The following VTI1A variants were observed in gnomAD, a reference collection of about 807,000 sequenced individuals.
VTI1A encodes vesicle transport through interaction with t-SNAREs homolog 1A.
A neutral mutation model predicts 34.9 loss-of-function variants in VTI1A; 22 were observed. The observed-to-expected ratio is 0.63, with a 90% CI of 0.45 to 0.90. VTI1A has a LOEUF of 0.90. Ranked by LOEUF, VTI1A falls within the 40% of genes least tolerant of loss-of-function variation. The probability of loss-of-function intolerance (pLI) is 0.00; values close to 1 mark genes in which losing one functional copy is unlikely to be tolerated. For missense variants in VTI1A, 268 were observed against 275.6 expected (o/e 0.97, Z 0.20); for synonymous variants, 87 against 97.3 (o/e 0.89, Z 0.62).
chr10:112,654,675 A>G (rs1847162971), intron 5 of VTI1A, among the ~76,000 whole-genome samples: 3 of 152,090 alleles, frequency 2.0e-5, no homozygotes, highest in East Asian at 3.9e-4. Flanking sequence ...TTGTATTTTT[A>G]GTAGAGACGG....
chr10:112,708,867 T>C (rs1849294924), intron 7 of VTI1A, among the ~76,000 whole-genome samples: 1 of 152,228 alleles, frequency 6.6e-6, no homozygotes, highest in African/African-American at 2.4e-5. Flanking sequence ...GTAAATAGTC[T>C]CCTAAAAACA....
At chr10:112,581,539 T>G (rs1182350165) in intron 5 of VTI1A, among the ~76,000 whole-genome samples, 2 of 152,152 alleles carry the variant, frequency 1.3e-5, no homozygotes, top group Non-Finnish European at 2.9e-5. Context: ...GTAGACAAAT[T>G]AGATGTGATA....
At chr10:112,447,020 C>CGGTG, upstream of VTI1A, 14 of 279,474 alleles carry the variant, frequency 5.0e-5, no homozygotes, top group South Asian at 2.6e-4. Context: ...CGTGTGGATC[C>CGGTG]GGAGCCGATT....
At chr10:112,536,666 T>C (rs971923879) in intron 4 of VTI1A, among the ~76,000 whole-genome samples, 35 of 152,050 alleles carry the variant, frequency 2.3e-4, no homozygotes, top group African/African-American at 8.5e-4. Context: ...TTAATTATGA[T>C]AGACTGTTGT....
chr10:112,639,917 A>G (rs1362202103), intron 5 of VTI1A, among the ~76,000 whole-genome samples: 3 of 152,198 alleles, frequency 2.0e-5, no homozygotes, highest in Non-Finnish European at 2.9e-5. Context: ...TGATTTCATG[A>G]TTCTGTGCCT....
intron 5 of VTI1A, among the ~76,000 whole-genome samples, chr10:112,598,371 A>G (rs188361897): frequency 6.6e-6 from 1 of 152,312 alleles, no homozygotes; most frequent in African/African-American, 2.4e-5. Flanking sequence ...CCTTCTGTTC[A>G]GTCTCCAAAT....
intron 5 of VTI1A, among the ~76,000 whole-genome samples, chr10:112,618,510 T>TAGAGAG (rs1370121195): frequency 2.9e-3 from 93 of 32,352 alleles, no homozygotes; most frequent in Middle Eastern, 0.013. Context: ...TATATATATA[T>TAGAGAG]ATATATATAT....
chr10:112,591,518 T>TCACACACA (rs61256241), intron 5 of VTI1A, among the ~76,000 whole-genome samples: 73,863 of 150,668 alleles, frequency 0.49, 18,259 homozygotes, highest in African/African-American at 0.51. Context: ...AGACTCCGTC[T>TCACACACA]CACACACACA....
intron 5 of VTI1A, among the ~76,000 whole-genome samples, chr10:112,653,506 G>C (rs1847115732): frequency 2.0e-5 from 3 of 152,158 alleles, no homozygotes; most frequent in Admixed American, 6.5e-5. Context: ...GGATCAATCT[G>C]GCCTGGGTCT....
chr10:112,467,815 AT>A (rs1564788898), intron 3 of VTI1A, among the ~76,000 whole-genome samples: 1 of 152,240 alleles, frequency 6.6e-6, no homozygotes, highest in Non-Finnish European at 1.5e-5. Flanking sequence ...GCTTAGATTA[AT>A]TATAGATTTC....
intron 5 of VTI1A, among the ~76,000 whole-genome samples, chr10:112,633,031 GGT>G (rs1422085002): frequency 1.3e-5 from 2 of 152,096 alleles, no homozygotes; most frequent in Admixed American, 1.3e-4. Context: ...GTTACAAAAA[GGT>G]GGTCTGGGCT....
intron 5 of VTI1A, among the ~76,000 whole-genome samples, chr10:112,633,645 C>T (rs1846229791): frequency 6.6e-6 from 1 of 152,076 alleles, no homozygotes; most frequent in South Asian, 2.1e-4. Flanking sequence ...GTAATGTCTC[C>T]CATGCAGAGA....
chr10:112,735,447 C>T (rs2133966010), intron 7 of VTI1A, among the ~76,000 whole-genome samples: 1 of 152,206 alleles, frequency 6.6e-6, no homozygotes, highest in Non-Finnish European at 1.5e-5. Context: ...ATTTTGTTTG[C>T]TGAGAAGTAA....
chr10:112,682,120 A>G (rs1848236147), intron 7 of VTI1A, among the ~76,000 whole-genome samples: 2 of 152,212 alleles, frequency 1.3e-5, no homozygotes, highest in African/African-American at 4.8e-5. Context: ...GTATAAAGAA[A>G]AAAAGAACAT....
At chr10:112,735,178 C>T (rs1255457978) in intron 7 of VTI1A, among the ~76,000 whole-genome samples, 1 of 152,128 alleles carries the variant, frequency 6.6e-6, no homozygotes, top group African/African-American at 2.4e-5. Flanking sequence ...TTACAAATCT[C>T]AAGAGTTTTA....
chr10:112,806,781 C>T (rs960809136), intron 7 of VTI1A, among the ~76,000 whole-genome samples: 5 of 150,390 alleles, frequency 3.3e-5, no homozygotes. Flanking sequence ...AGATGAGGGT[C>T]TCTCTATGTT....
chr10:112,660,783 T>C (rs74158748), intron 5 of VTI1A, among the ~76,000 whole-genome samples: 1,907 of 152,260 alleles, frequency 0.013, 39 homozygotes, highest in African/African-American at 0.042. Context: ...TATCCCTAAT[T>C]TGTTACAGCC....
chr10:112,795,671 A>C (rs1852649917), intron 7 of VTI1A, among the ~76,000 whole-genome samples: 1 of 152,084 alleles, frequency 6.6e-6, no homozygotes, highest in Non-Finnish European at 1.5e-5. Flanking sequence ...TCCTGACCTC[A>C]GGTGATCCGC....
Position 112,742,575 on chromosome 10 carries a change from T to C in VTI1A, c.561-72715T>C, listed in dbSNP as rs571223470. ...CAAATGTCTCGAAAGAGTCCAGGAG[T>C]GGAGGCTGCTAAATGGTTTGCTTAA... is the stretch of plus-strand genomic sequence containing the variant. On this transcript the variant is annotated intron_variant, in intron 7 of 7. Transcript: ENST00000393077. Among the ~76,000 whole-genome samples the C allele has an allele frequency of 3.9e-5, 6 of 152,260 alleles. No homozygotes were observed. The South Asian group carries it at 1.2e-3, about 32-fold the overall frequency.
Sources: gnomAD v4.1 joint callset for allele counts (sites outside exome capture counted in the v4.1 genomes callset) on GRCh38, gnomAD v4.1.1 for gene constraint, MANE v1.5 for transcripts, NCBI Gene and HGNC (gene_info 2026-07-23, HGNC 2026-07-21) for gene names.